Variants in SUMF1 observed in about 807,000 individuals in gnomAD.
SUMF1 encodes the protein formylglycine-generating enzyme.
Under a neutral mutation model 47.6 loss-of-function variants are expected in SUMF1, and 48 were observed. That is an observed-to-expected ratio of 1.01 (90% CI 0.80 to 1.28). The LOEUF is 1.28. Among genes scored for constraint, SUMF1 ranks in the 50% most tolerant of loss-of-function variants. SUMF1 has a pLI of 0.00. For synonymous variants in SUMF1, 230 were observed against 192.1 expected (o/e 1.20, Z -1.63); for missense variants, 571 against 485.4 (o/e 1.18, Z -1.66).
At chr3:4,245,242 A>T (rs1479693469) in intron 8 of SUMF1, among the ~76,000 whole-genome samples, 1 of 152,080 alleles carries the variant, frequency 6.6e-6, no homozygotes, top group African/African-American at 2.4e-5. Flanking sequence ...TACTTCTGTC[A>T]ACTCAAACTC....
intron 8 of SUMF1, among the ~76,000 whole-genome samples, chr3:4,281,397 G>T (rs1294413140): frequency 6.6e-6 from 1 of 152,098 alleles, no homozygotes; most frequent in Non-Finnish European, 1.5e-5. Context: ...GAGATATATT[G>T]ATCATCCACA....
chr3:4,094,403 T>C (rs1270532859), intron 8 of SUMF1, among the ~76,000 whole-genome samples: 2 of 152,054 alleles, frequency 1.3e-5, no homozygotes, highest in East Asian at 3.9e-4. Flanking sequence ...CAAGCAACTA[T>C]TAAGACAAGG....
intron 8 of SUMF1, among the ~76,000 whole-genome samples, chr3:4,271,993 G>A (rs188744154): frequency 6.6e-6 from 1 of 152,086 alleles, no homozygotes; most frequent in African/African-American, 2.4e-5. Flanking sequence ...GGGAATCTCT[G>A]TCATAATTAA....
chr3:4,446,286 G>A (rs1702777591), intron 3 of SUMF1, among the ~76,000 whole-genome samples: 1 of 152,078 alleles, frequency 6.6e-6, no homozygotes, highest in South Asian at 2.1e-4. Context: ...CTGTTGCCAT[G>A]ATAGTAAATA....
At chr3:4,302,394 C>G (rs927190549) in intron 8 of SUMF1, among the ~76,000 whole-genome samples, 1 of 152,112 alleles carries the variant, frequency 6.6e-6, no homozygotes, top group African/African-American at 2.4e-5. Flanking sequence ...GACCTAAAAT[C>G]AATAGAAACG....
At chr3:4,354,904 A>G (rs1392164574) in intron 8 of SUMF1, among the ~76,000 whole-genome samples, 1 of 152,148 alleles carries the variant, frequency 6.6e-6, no homozygotes, top group Non-Finnish European at 1.5e-5. Flanking sequence ...ATATCTCCCC[A>G]CAACCCCACA....
chr3:4,372,527 T>G (rs1700201019), intron 8 of SUMF1, among the ~76,000 whole-genome samples: 1 of 152,202 alleles, frequency 6.6e-6, no homozygotes, highest in African/African-American at 2.4e-5. Flanking sequence ...AGAGGGGAAA[T>G]AATCTAATTA....
At chr3:4,411,332 GAAAATCCC>G (rs1701534889) in intron 6 of SUMF1, among the ~76,000 whole-genome samples, 1 of 152,030 alleles carries the variant, frequency 6.6e-6, no homozygotes, top group Non-Finnish European at 1.5e-5. Flanking sequence ...TCATTCACAG[GAAAATCCC>G]ATTGGACCCA....
intron 9 of SUMF1, among the ~76,000 whole-genome samples, chr3:4,048,672 C>G (rs1395404050): frequency 6.6e-6 from 1 of 152,086 alleles, no homozygotes; most frequent in Non-Finnish European, 1.5e-5. Flanking sequence ...ATGACCATAT[C>G]TCTTTTTGCT....
At chr3:4,211,320 C>T (rs972043305) in intron 8 of SUMF1, among the ~76,000 whole-genome samples, 55 of 149,774 alleles carry the variant, frequency 3.7e-4, no homozygotes, top group African/African-American at 1.4e-3. Context: ...CCTCTCCTTC[C>T]TCTAACCTCC....
intron 8 of SUMF1, among the ~76,000 whole-genome samples, chr3:4,270,319 G>A (rs911478641): frequency 6.6e-6 from 1 of 152,008 alleles, no homozygotes; most frequent in Non-Finnish European, 1.5e-5. Flanking sequence ...AACAAACAGG[G>A]AGATCAAGAG....
At chr3:4,436,497 G>T (rs2125087399) in intron 3 of SUMF1, among the ~76,000 whole-genome samples, 1 of 152,056 alleles carries the variant, frequency 6.6e-6, no homozygotes, top group East Asian at 1.9e-4. Flanking sequence ...GAGTGAGGAG[G>T]TCTAGCCAAC....
intron 8 of SUMF1, among the ~76,000 whole-genome samples, chr3:4,126,646 C>A (rs923898799): frequency 6.6e-6 from 1 of 152,048 alleles, no homozygotes; most frequent in South Asian, 2.1e-4. Context: ...ATGAATACAA[C>A]CACTTTTCAG....
chr3:4,313,843 C>T (rs554226386), intron 8 of SUMF1: 1 of 1,584,726 alleles, frequency 6.3e-7, no homozygotes, highest in East Asian at 2.2e-5. Flanking sequence ...TGCCTAGTTA[C>T]ATAAGTTTAA....
intron 8 of SUMF1, among the ~76,000 whole-genome samples, chr3:4,270,327 G>A (rs1187849446): frequency 6.6e-6 from 1 of 152,052 alleles, no homozygotes; most frequent in African/African-American, 2.4e-5. Flanking sequence ...GGGAGATCAA[G>A]AGAGGGAAAG....
At chr3:4,246,600 C>G (rs1696676518) in intron 8 of SUMF1, among the ~76,000 whole-genome samples, 2 of 152,100 alleles carry the variant, frequency 1.3e-5, no homozygotes, top group Admixed American at 1.3e-4. Flanking sequence ...CAGGGTTTCA[C>G]TATGTTGGCC....
At chr3:4,107,947 G>GA (rs60043475) in intron 8 of SUMF1, among the ~76,000 whole-genome samples, 9,096 of 151,874 alleles carry the variant, frequency 0.06, 700 homozygotes, top group East Asian at 0.16. Flanking sequence ...ATAAGTAAAA[G>GA]AAAAGAAAGA....
chr3:4,065,612 C>A (rs1210728400), intron 9 of SUMF1, among the ~76,000 whole-genome samples: 1 of 152,044 alleles, frequency 6.6e-6, no homozygotes, highest in Non-Finnish European at 1.5e-5. Flanking sequence ...GTGCTAATTC[C>A]TTAAGCAATC....
intron 8 of SUMF1, among the ~76,000 whole-genome samples, chr3:4,300,243 G>C (rs796619367): frequency 6.6e-6 from 1 of 152,166 alleles, no homozygotes; most frequent in East Asian, 1.9e-4. Context: ...CTTTGACCAT[G>C]TGAGATGCCT....
Sources: allele counts gnomAD v4.1 joint callset (sites outside exome capture counted in the v4.1 genomes callset), GRCh38; gene constraint gnomAD v4.1.1; transcripts MANE v1.5; gene names NCBI Gene and HGNC (gene_info 2026-07-23, HGNC 2026-07-21).